DCAF8L2: variants seen among roughly 807,000 people sequenced by gnomAD.
The protein encoded by DCAF8L2 is DDB1 and CUL4 associated factor 8 like 2, also known as DDB1- and CUL4-associated factor 8-like protein 2.
For missense variants in DCAF8L2, 430 were observed against 490.7 expected (o/e 0.88, Z 1.17); for synonymous variants, 200 against 190.9 (o/e 1.05, Z -0.39).
the DCAF8L2 span, among the ~76,000 whole-genome samples, chrX:27,504,908 C>G: frequency 9.0e-6 from 1 of 111,246 alleles, no homozygotes; most frequent in African/African-American, 3.3e-5. Flanking sequence ...TTACCTTAAG[C>G]TCCATTTTGT....
chrX:27,618,850 C>G (rs1927599619), intron 1 of DCAF8L2, among the ~76,000 whole-genome samples: 2 of 110,194 alleles, frequency 1.8e-5, no homozygotes, highest in Non-Finnish European at 3.8e-5. Flanking sequence ...GATCATAGAC[C>G]AAAAGTAGTA....
At chrX:27,552,097 G>C in the DCAF8L2 span, among the ~76,000 whole-genome samples, 1 of 111,510 alleles carries the variant, frequency 9.0e-6, no homozygotes, top group Non-Finnish European at 1.9e-5. Flanking sequence ...GTGATGTTGA[G>C]CATTTTGTCA....
chrX:27,699,585 C>G (rs1014815971), intron 3 of DCAF8L2, among the ~76,000 whole-genome samples: 15 of 111,589 alleles, frequency 1.3e-4, no homozygotes, highest in African/African-American at 4.9e-4. Flanking sequence ...ATTGCAATTA[C>G]CCAGGCCAGA....
the DCAF8L2 span, among the ~76,000 whole-genome samples, chrX:27,476,900 G>T: frequency 8.9e-6 from 1 of 111,995 alleles, no homozygotes; most frequent in Non-Finnish European, 1.9e-5. Flanking sequence ...AACAGATAAA[G>T]ACTGTGTTTT....
intron 3 of DCAF8L2, among the ~76,000 whole-genome samples, chrX:27,688,580 CT>C (rs369052816): frequency 0.11 from 12,063 of 110,983 alleles, 1,609 homozygotes; most frequent in African/African-American, 0.38. Flanking sequence ...AAAATAGTAG[CT>C]TTTTTGTTGT....
At chrX:27,625,124 C>G (rs1927950409) in intron 1 of DCAF8L2, among the ~76,000 whole-genome samples, 1 of 111,686 alleles carries the variant, frequency 9.0e-6, no homozygotes, top group Admixed American at 9.5e-5. Context: ...TCCAGAATCT[C>G]TAAAGAATTT....
upstream of DCAF8L2, among the ~76,000 whole-genome samples, chrX:27,589,533 C>G (rs1458466984): frequency 4.5e-5 from 5 of 111,710 alleles, no homozygotes; most frequent in Non-Finnish European, 9.4e-5. Flanking sequence ...ATATATTTTT[C>G]TGGAAATTTT....
At chrX:27,738,341 T>A (rs1475296309) in intron 4 of DCAF8L2, among the ~76,000 whole-genome samples, 1 of 111,843 alleles carries the variant, frequency 8.9e-6, no homozygotes, top group Admixed American at 9.5e-5. Context: ...GCTTCATATG[T>A]ACTTGCAGGC....
the DCAF8L2 span, among the ~76,000 whole-genome samples, chrX:27,478,350 C>T: frequency 8.9e-6 from 1 of 111,784 alleles, no homozygotes; most frequent in Non-Finnish European, 1.9e-5. Context: ...AATTTGCCTG[C>T]TAAGAAGAAA....
At chrX:27,706,803 C>T (rs1376637412) in intron 3 of DCAF8L2, among the ~76,000 whole-genome samples, 2 of 111,608 alleles carry the variant, frequency 1.8e-5, no homozygotes, top group African/African-American at 6.5e-5. Context: ...AAAATGGAAA[C>T]ATATGCCAAC....
intron 1 of DCAF8L2, among the ~76,000 whole-genome samples, chrX:27,590,896 A>C (rs899183457): frequency 7.6e-5 from 8 of 104,809 alleles, no homozygotes; most frequent in Admixed American, 2.1e-4. Flanking sequence ...CTCCCACCTC[A>C]GCCTTCCAAA....
At chrX:27,486,160 C>T in the DCAF8L2 span, among the ~76,000 whole-genome samples, 2 of 107,962 alleles carry the variant, frequency 1.9e-5, no homozygotes, top group African/African-American at 6.8e-5. Context: ...CATGAGCCAC[C>T]ATGCCCGGCT....
At chrX:27,703,268 A>G (rs182921129) in intron 3 of DCAF8L2, among the ~76,000 whole-genome samples, 16 of 111,401 alleles carry the variant, frequency 1.4e-4, no homozygotes, top group Non-Finnish European at 1.7e-4. Context: ...ATGTTTCCCA[A>G]TTAATCTACA....
chrX:27,710,949 A>G (rs971528974), intron 3 of DCAF8L2, among the ~76,000 whole-genome samples: 2 of 112,356 alleles, frequency 1.8e-5, no homozygotes, highest in Non-Finnish European at 3.8e-5. Context: ...TATTTTTATC[A>G]TGAATGGCTA....
chrX:27,659,850 ATCTC>A (rs1247518038), intron 2 of DCAF8L2, among the ~76,000 whole-genome samples: 1 of 110,832 alleles, frequency 9.0e-6, no homozygotes, highest in Middle Eastern at 4.3e-3. Flanking sequence ...TCTTTGTATT[ATCTC>A]TCTGTGTTCT....
At chrX:27,591,529 C>A (rs757103641) in intron 1 of DCAF8L2, among the ~76,000 whole-genome samples, 2 of 111,671 alleles carry the variant, frequency 1.8e-5, no homozygotes, top group African/African-American at 6.5e-5. Context: ...TCCCCACTCT[C>A]CTTTTCATCT....
At chrX:27,616,035 C>T (rs5926843) in intron 1 of DCAF8L2, among the ~76,000 whole-genome samples, 47,192 of 109,455 alleles carry the variant, frequency 0.43, 8,461 homozygotes, top group African/African-American at 0.67. Flanking sequence ...TTTTTTCAGC[C>T]AGAATATTTT....
At chrX:27,469,778 CTT>C in the DCAF8L2 span, among the ~76,000 whole-genome samples, 4,011 of 100,862 alleles carry the variant, frequency 0.04, 223 homozygotes, top group African/African-American at 0.14. Context: ...ATCATTTTCT[CTT>C]TTTTTTTTTT....
chrX:27,529,281 A>G, the DCAF8L2 span, among the ~76,000 whole-genome samples: 1 of 111,580 alleles, frequency 9.0e-6, no homozygotes. Context: ...CTCCTATAGC[A>G]AAACCCCTAA....
Sources: allele counts gnomAD v4.1 joint callset (sites outside exome capture counted in the v4.1 genomes callset), GRCh38; gene constraint gnomAD v4.1.1; transcripts MANE v1.5; gene names NCBI Gene and HGNC (gene_info 2026-07-23, HGNC 2026-07-21).